Variants in GALNS observed in about 807,000 individuals in gnomAD.
GALNS encodes the protein N-acetylgalactosamine-6-sulfatase.
In GALNS, 65 loss-of-function variants were observed where a neutral mutation model predicts 65.9. That is an observed-to-expected ratio of 0.99 (90% CI 0.81 to 1.21). GALNS has a LOEUF of 1.21. Among genes scored for constraint, GALNS ranks in the 50% most tolerant of loss-of-function variants. GALNS has a pLI of 0.00. For missense variants in GALNS, 776 were observed against 700.7 expected, an observed-to-expected ratio of 1.11 and a Z score of -1.21; for synonymous variants, 346 against 288.9, an observed-to-expected ratio of 1.20 and a Z score of -2.00.
intron 2 of GALNS, 77 bp from the exon 3 acceptor site, chr16:88,842,048 C>T (rs1597582207): frequency 3.1e-6 from 4 of 1,289,022 alleles, no homozygotes; most frequent in East Asian, 2.5e-5. Context: ...AGAGCCCCAA[C>T]GAGTAGACAG....
Position 88,826,766 on chromosome 16 carries a change from T to C in GALNS, c.1075A>G (p.Ser359Gly). ...SLALAGLTPP[S>G]DRAIDGLNLL... is the part of the protein sequence containing the mutation. ...TTGAGGCCATCAATGGCCCTGTCGCTGGGCGGCGTCAGGCCCGCAAGGGCC... is the reference window on the plus strand; with the variant it reads ...TTGAGGCCATCAATGGCCCTGTCGCCGGGCGGCGTCAGGCCCGCAAGGGCC... The change falls in exon 10 of 14, where the codon AGC (serine) becomes GGC (glycine). Residue 359 changes from serine (S) to glycine (G), a missense_variant. By Grantham distance (56) the Ser-to-Gly change is moderately conservative. Coordinates refer to ENST00000268695, the MANE Select transcript of GALNS (RefSeq NM_000512.5). 1 of 1,609,794 alleles carries C rather than the reference T, an allele frequency of 6.2e-7. No homozygotes were observed. The highest frequency in any genetic ancestry group is 8.5e-7 in the Non-Finnish European group (1 of 1,178,684).
chr16:88,833,643 G>A (rs1194099227), intron 8 of GALNS, among the ~76,000 whole-genome samples: 2 of 151,994 alleles, frequency 1.3e-5, no homozygotes, highest in African/African-American at 2.4e-5. Flanking sequence ...GTAGAGATGG[G>A]GTTTCACCGT....
At chr16:88,840,859 A>G (rs745623331) in intron 4 of GALNS, 133 bp downstream of exon 4, 4 of 752,682 alleles carry the variant, frequency 5.3e-6, no homozygotes, top group South Asian at 1.4e-5. Flanking sequence ...ACACCTGAAC[A>G]CACCCAGAAT....
At chr16:88,827,463 T>G (rs1911052385) in intron 9 of GALNS, among the ~76,000 whole-genome samples, 2 of 152,210 alleles carry the variant, frequency 1.3e-5, no homozygotes, top group African/African-American at 4.8e-5. Context: ...TTTTGTTTTT[T>G]GAGATGGAGT....
At chr16:88,842,366 G>A in intron 2 of GALNS, 1 of 513,832 alleles carries the variant, frequency 1.9e-6, no homozygotes, top group South Asian at 2.1e-5. Flanking sequence ...TCCCCAGGGA[G>A]GGAGGGAGTG....
intron 11 of GALNS, 96 bp from the exon 12 acceptor site, chr16:88,822,806 G>T: frequency 6.5e-7 from 1 of 1,529,034 alleles, no homozygotes; most frequent in South Asian, 1.2e-5. Flanking sequence ...GACTGCGGCC[G>T]TGAGGGGCCT....
At chr16:88,821,039 G>A (rs1225382312) in intron 12 of GALNS, among the ~76,000 whole-genome samples, 1 of 152,204 alleles carries the variant, frequency 6.6e-6, no homozygotes, top group Non-Finnish European at 1.5e-5. Flanking sequence ...GGCCCCCCAT[G>A]GTTTCACGGG....
At chr16:88,854,504 CA>C (rs1368139818) in intron 1 of GALNS, among the ~76,000 whole-genome samples, 2 of 152,232 alleles carry the variant, frequency 1.3e-5, no homozygotes, top group East Asian at 1.9e-4. Flanking sequence ...ATGAGATGAT[CA>C]GGGGCAGTCT....
At chr16:88,856,278 G>C in intron 1 of GALNS, 1 of 703,026 alleles carries the variant, frequency 1.4e-6, no homozygotes, top group Non-Finnish European at 2.6e-6. Context: ...GGGACCCGGC[G>C]GCCCGAGGTG....
chr16:88,851,089 T>C (rs1024954136), intron 1 of GALNS, among the ~76,000 whole-genome samples: 1 of 152,116 alleles, frequency 6.6e-6, no homozygotes, highest in Admixed American at 6.5e-5. Flanking sequence ...CTTTCATTAT[T>C]TATCGGCGCC....
chr16:88,842,347 G>C, intron 2 of GALNS: 1 of 509,528 alleles, frequency 2.0e-6, no homozygotes, highest in Admixed American at 3.2e-5. Flanking sequence ...TCTCCAGCAG[G>C]AGAGACTCTC....
chr16:88,832,107 A>G lies in GALNS; in HGVS notation c.899-6T>C, dbSNP rs374850312. 327 of 1,612,776 alleles carry G rather than the reference A, an allele frequency of 2.0e-4. No individual in the cohort carries two copies. Among genetic ancestry groups the G allele is most frequent in the Non-Finnish European group, 2.7e-4 (313 of 1,179,240 alleles). On this transcript the variant is annotated splice_region_variant and splice_polypyrimidine_tract_variant and intron_variant, in intron 8 of 13. Coordinates refer to ENST00000268695, the MANE Select transcript of GALNS (RefSeq NM_000512.5). ...AAAGGGGCCGTTGCTGCCACCTGGG[A>G]GAGAGGGGCCCTTGTCAGGCCACTG...
At chr16:88,839,168 C>T (rs1912455312) in intron 4 of GALNS, among the ~76,000 whole-genome samples, 1 of 149,772 alleles carries the variant, frequency 6.7e-6, no homozygotes, top group Non-Finnish European at 1.5e-5. Context: ...GTCCGCTGGT[C>T]ACCGCCCGGC....
chr16:88,822,962 G>A (rs946252826), intron 11 of GALNS, among the ~76,000 whole-genome samples: 1 of 152,216 alleles, frequency 6.6e-6, no homozygotes, highest in Non-Finnish European at 1.5e-5. Context: ...TCCTGTGGAG[G>A]AGGTGAAGCC....
Position 88,824,875 on chromosome 16 carries a change from G to A in GALNS, c.1140-6C>T. 3 of 1,611,728 alleles carry A rather than the reference G, an allele frequency of 1.9e-6. No homozygotes were observed. Among genetic ancestry groups the A allele is most frequent in the African/African-American group, 1.3e-5 (1 of 75,032 alleles). On this transcript the variant is annotated splice_region_variant and splice_polypyrimidine_tract_variant and intron_variant, in intron 10 of 13. Coordinates refer to ENST00000268695, the MANE Select transcript of GALNS (RefSeq NM_000512.5). Reference sequence around the variant, plus strand: ...CACGGTAATAGAAGATAGGCCTGTGGGATGGGAGGGGAGGACCATGTAATG... The same window carrying A: ...CACGGTAATAGAAGATAGGCCTGTGAGATGGGAGGGGAGGACCATGTAATG...
At chr16:88,824,707 G>A in intron 11 of GALNS, 60 bp downstream of exon 11, 8 of 1,426,956 alleles carry the variant, frequency 5.6e-6, no homozygotes, top group Non-Finnish European at 7.9e-6. Context: ...GGTGCTCAGG[G>A]GCCACGTCTG....
intron 10 of GALNS, among the ~76,000 whole-genome samples, chr16:88,825,473 G>C (rs1910773724): frequency 6.7e-6 from 1 of 148,370 alleles, no homozygotes; most frequent in Non-Finnish European, 1.5e-5. Flanking sequence ...TGGGGTACCT[G>C]GGTGTCTGGG....
At position 88,837,602 on chromosome 16, in the gene GALNS, A is replaced by C. The variant is rs751422860; in HGVS notation, c.566+20T>G. The C allele has an allele frequency of 1.9e-6, 3 of 1,610,698 alleles. No homozygotes were observed. The highest frequency in any genetic ancestry group is 1.7e-5 in the Admixed American group (1 of 59,970). ...ACAGCAGTTCAGGACGTGGGAGGGGAAGGGGTGGGGCTCCATTACCTGCCA... is the reference window on the plus strand; with the variant it reads ...ACAGCAGTTCAGGACGTGGGAGGGGCAGGGGTGGGGCTCCATTACCTGCCA... On this transcript the variant is annotated intron_variant, in intron 5 of 13. Coordinates refer to ENST00000268695, the MANE Select transcript of GALNS (RefSeq NM_000512.5).
chr16:88,829,495 G>C (rs1473383701), intron 9 of GALNS, among the ~76,000 whole-genome samples: 1 of 152,218 alleles, frequency 6.6e-6, no homozygotes, highest in Non-Finnish European at 1.5e-5. Context: ...CTGGGAACTT[G>C]GGGTGGCCCA....
Sources: allele counts gnomAD v4.1 joint callset (sites outside exome capture counted in the v4.1 genomes callset), GRCh38; gene constraint gnomAD v4.1.1; transcripts MANE v1.5; gene names NCBI Gene and HGNC (gene_info 2026-07-23, HGNC 2026-07-21).